Variants in GRIN2A observed in about 807,000 individuals in gnomAD.
The protein encoded by GRIN2A is glutamate receptor ionotropic, NMDA 2A.
In GRIN2A, 22 loss-of-function variants were observed where a neutral mutation model predicts 113.4. The observed-to-expected ratio is 0.19, with a 90% CI of 0.14 to 0.28. The LOEUF is 0.28. Ranked by LOEUF, GRIN2A falls within the 10% of genes least tolerant of loss-of-function variation. GRIN2A has a pLI of 1.00. For missense variants in GRIN2A, 1,502 were observed against 1,887.0 expected (o/e 0.80, Z 3.78); for synonymous variants, 827 against 738.4 (o/e 1.12, Z -1.94).
intron 2 of GRIN2A, among the ~76,000 whole-genome samples, chr16:10,073,802 G>A (rs1368343219): frequency 6.6e-6 from 1 of 151,440 alleles, no homozygotes; most frequent in African/African-American, 2.4e-5. Context: ...TGTAATCCCA[G>A]CTACTCAGGA....
intron 10 of GRIN2A, among the ~76,000 whole-genome samples, chr16:9,800,032 T>C (rs1305995719): frequency 1.3e-5 from 2 of 152,016 alleles, no homozygotes; most frequent in Non-Finnish European, 2.9e-5. Flanking sequence ...TGGAGTGCAA[T>C]GGTGCGATCT....
intron 2 of GRIN2A, among the ~76,000 whole-genome samples, chr16:10,117,634 C>T (rs1383181515): frequency 6.6e-6 from 1 of 152,182 alleles, no homozygotes; most frequent in Admixed American, 6.5e-5. Flanking sequence ...GGACCAGGAG[C>T]ATATAATGAC....
At chr16:10,068,586 C>G (rs533016039) in intron 2 of GRIN2A, among the ~76,000 whole-genome samples, 2 of 152,216 alleles carry the variant, frequency 1.3e-5, no homozygotes, top group African/African-American at 4.8e-5. Flanking sequence ...CCTCCATGAT[C>G]CAAACACTTC....
rs767382884 is a variant in GRIN2A at position 10,021,521 on chromosome 16, T to G, written c.415-82970A>C. 7.9e-4 allele frequency among the ~76,000 whole-genome samples: 120 copies of G among 151,978 alleles called. 9 individuals carry two copies. The highest frequency in any genetic ancestry group is 1.9e-4 in the Non-Finnish European group (13 of 68,010). On this transcript the variant is annotated intron_variant, in intron 2 of 12. Transcript: ENST00000330684. ...GATACATTCCCCCAGTTACCAATGG[T>G]AGACTTTGAAAAAGGAAATAAAAAA...
At chr16:10,034,157 C>T (rs562210534) in intron 2 of GRIN2A, among the ~76,000 whole-genome samples, 1 of 152,116 alleles carries the variant, frequency 6.6e-6, no homozygotes, top group Non-Finnish European at 1.5e-5. Context: ...TCATAAGTGT[C>T]CCATAGACAA....
intron 2 of GRIN2A, among the ~76,000 whole-genome samples, chr16:10,021,230 G>A (rs1416309646): frequency 6.6e-6 from 1 of 152,206 alleles, no homozygotes; most frequent in Non-Finnish European, 1.5e-5. Context: ...CCTAGGTAGT[G>A]AATGAATGGA....
At chr16:9,828,863 ACT>A (rs1439252754) in intron 9 of GRIN2A, among the ~76,000 whole-genome samples, 2 of 152,042 alleles carry the variant, frequency 1.3e-5, no homozygotes, top group Non-Finnish European at 2.9e-5. Flanking sequence ...AAAGAAAAAA[ACT>A]CTCTGCTCCT....
Position 10,041,448 on chromosome 16 carries a change from T to C in GRIN2A, c.415-102897A>G, listed in dbSNP as rs1596455145. 3.3e-5 allele frequency among the ~76,000 whole-genome samples: 5 copies of C among 152,302 alleles called. No individual in the cohort carries two copies. In the Middle Eastern group the frequency reaches 0.01, roughly 311 times the overall value. On this transcript the variant is annotated intron_variant, in intron 2 of 12. Transcript: ENST00000330684. ...CCTACTCCCTGAAGCTAAATTGTTATATAAAAGCCTTACTTTGAACAAGCT... is the reference window on the plus strand; with the variant it reads ...CCTACTCCCTGAAGCTAAATTGTTACATAAAAGCCTTACTTTGAACAAGCT...
At chr16:10,016,361 A>T (rs1317777878) in intron 2 of GRIN2A, among the ~76,000 whole-genome samples, 1 of 151,474 alleles carries the variant, frequency 6.6e-6, no homozygotes, top group Admixed American at 6.6e-5. Flanking sequence ...CAGCTCAAAC[A>T]AGATGGGGTC....
At chr16:9,876,318 ATG>A in intron 4 of GRIN2A, among the ~76,000 whole-genome samples, 1 of 152,286 alleles carries the variant, frequency 6.6e-6, no homozygotes, top group African/African-American at 2.4e-5. Context: ...GTCAAAGAAA[ATG>A]CTAAACCATC....
chr16:10,151,194 A>G (rs1038071828), intron 2 of GRIN2A, among the ~76,000 whole-genome samples: 1 of 152,174 alleles, frequency 6.6e-6, no homozygotes, highest in African/African-American at 2.4e-5. Context: ...GAGATGCAAC[A>G]TGCAAGCTGT....
At chr16:9,933,306 C>G (rs972367823) in intron 3 of GRIN2A, among the ~76,000 whole-genome samples, 1 of 151,454 alleles carries the variant, frequency 6.6e-6, no homozygotes, top group Non-Finnish European at 1.5e-5. Flanking sequence ...CCTGGTACCA[C>G]GCCCAGCCCA....
chr16:10,035,049 A>G (rs905589513), intron 2 of GRIN2A, among the ~76,000 whole-genome samples: 1 of 150,736 alleles, frequency 6.6e-6, no homozygotes, highest in African/African-American at 2.4e-5. Context: ...GTTTAGAGAC[A>G]GGGTCTCGTT....
chr16:9,855,585 T>G (rs188876240), intron 4 of GRIN2A, among the ~76,000 whole-genome samples: 1 of 152,316 alleles, frequency 6.6e-6, no homozygotes, highest in Non-Finnish European at 1.5e-5. Flanking sequence ...CTAAGGTCTT[T>G]CAGGTATAGC....
intron 10 of GRIN2A, among the ~76,000 whole-genome samples, chr16:9,816,099 G>C (rs940436629): frequency 3.3e-5 from 5 of 152,182 alleles, no homozygotes; most frequent in African/African-American, 1.2e-4. Flanking sequence ...GTTGCCAGGC[G>C]CTAGGGAAAA....
At chr16:10,021,248 A>G (rs1016600288) in intron 2 of GRIN2A, among the ~76,000 whole-genome samples, 4 of 152,228 alleles carry the variant, frequency 2.6e-5, no homozygotes, top group Non-Finnish European at 5.9e-5. Context: ...GGACTGGTCA[A>G]TGACGGCTCT....
At chr16:9,867,149 C>T (rs1333068055) in intron 4 of GRIN2A, among the ~76,000 whole-genome samples, 1 of 152,120 alleles carries the variant, frequency 6.6e-6, no homozygotes, top group African/African-American at 2.4e-5. Context: ...CCTGGCAGCA[C>T]CCTCCCCAAC....
intron 4 of GRIN2A, among the ~76,000 whole-genome samples, chr16:9,854,992 TTGTGTGTGTGTGTG>T (rs3831730): frequency 2.0e-5 from 3 of 147,558 alleles, no homozygotes; most frequent in East Asian, 4.1e-4. Flanking sequence ...GCAAGCACGC[TTGTGTGTGTGTGTG>T]TGTGTGTGTG....
chr16:9,995,390 A>T (rs2141828267), intron 2 of GRIN2A, among the ~76,000 whole-genome samples: 1 of 152,330 alleles, frequency 6.6e-6, no homozygotes, highest in East Asian at 1.9e-4. Flanking sequence ...TAGGATTTTT[A>T]AATGGATTTC....
Sources: allele counts gnomAD v4.1 joint callset (sites outside exome capture counted in the v4.1 genomes callset), GRCh38; gene constraint gnomAD v4.1.1; transcripts MANE v1.5; gene names NCBI Gene and HGNC (gene_info 2026-07-23, HGNC 2026-07-21).